Variants in RMI1 observed in about 807,000 individuals in gnomAD.
RMI1 encodes the protein RecQ mediated genome instability 1, also known as recQ-mediated genome instability protein 1.
A neutral mutation model predicts 46.7 loss-of-function variants in RMI1; 36 were observed. The observed-to-expected ratio is 0.77, with a 90% CI of 0.59 to 1.02. The LOEUF is 1.02. Ranked by LOEUF, RMI1 falls within the 50% of genes least tolerant of loss-of-function variation. The probability of loss-of-function intolerance (pLI) is 0.00; values close to 1 mark genes in which losing one functional copy is unlikely to be tolerated. For synonymous variants in RMI1, 250 were observed against 252.9 expected, an observed-to-expected ratio of 0.99 and a Z score of 0.11; for missense variants, 676 against 713.7, an observed-to-expected ratio of 0.95 and a Z score of 0.60.
In RMI1 at chr9:84,002,241, A is replaced by G. The variant is rs1417615792; in HGVS notation, c.1255A>G (p.Lys419Glu). The change falls in exon 3 of 3, where the codon AAG (lysine) becomes GAG (glutamate). Residue 419 changes from lysine to glutamate, a missense_variant. Transcript: ENST00000445877. ...PLAHDFTNKE[K>E]NLETDNKIKQ... ...AGCCCATGATTTTACAAATAAAGAA[A>G]AGAACTTAGAGACAGATAATAAAAT... The G allele has an allele frequency of 6.8e-6, 11 of 1,606,176 alleles. No homozygotes were observed. The highest frequency in any genetic ancestry group is 1.3e-5 in the African/African-American group (1 of 74,174).
Position 83,986,223 on chromosome 9 carries a change from G to C in RMI1, c.-126+5332G>C, listed in dbSNP as rs564730712. Among the ~76,000 whole-genome samples the C allele has an allele frequency of 1.5e-4, 23 of 152,310 alleles. 1 individual carries two copies. The highest frequency in any genetic ancestry group is 5.3e-4 in the African/African-American group (22 of 41,576). ...CGAAGCTATCACAAAGATAAATATA[G>C]TAGGTGTAGGTGATATTTTTAAGTT... is the stretch of plus-strand genomic sequence containing the variant. On this transcript the variant is annotated intron_variant, in intron 1 of 2. Coordinates refer to ENST00000445877, the MANE Select transcript of RMI1 (RefSeq NM_001358291.2).
chr9:83,989,660 A>T (rs531511053), intron 1 of RMI1, among the ~76,000 whole-genome samples: 1 of 20,536 alleles, frequency 4.9e-5, no homozygotes, highest in South Asian at 3.4e-3. Flanking sequence ...AATGGCTATC[A>T]AAAAGACAAA....
chr9:83,988,952 G>A (rs1302205949), intron 1 of RMI1, among the ~76,000 whole-genome samples: 1 of 152,028 alleles, frequency 6.6e-6, no homozygotes, highest in Non-Finnish European at 1.5e-5. Flanking sequence ...GACCTCCCAG[G>A]CTCAAGTGAT....
At chr9:84,000,876 G>A (rs1957726737) in intron 2 of RMI1, 75 bp from the exon 3 acceptor site, 1 of 756,124 alleles carries the variant, frequency 1.3e-6, no homozygotes, top group Non-Finnish European at 2.1e-6. Context: ...GTGCCTGTCT[G>A]TGCATTGTAG....
intron 1 of RMI1, among the ~76,000 whole-genome samples, chr9:83,991,306 C>CT (rs55692810): frequency 0.11 from 15,431 of 140,994 alleles, 959 homozygotes; most frequent in Non-Finnish European, 0.14. Context: ...TGTCATTTTT[C>CT]TTTTTTTTTT....
chr9:84,000,559 A>G (rs1427617212), intron 2 of RMI1, among the ~76,000 whole-genome samples: 1 of 152,204 alleles, frequency 6.6e-6, no homozygotes, highest in Non-Finnish European at 1.5e-5. Flanking sequence ...AAGGGAGGCT[A>G]ATGTAACTAC....
rs1957733428 is a variant in RMI1 at position 84,001,348 on chromosome 9, A to G, written c.362A>G (p.Gln121Arg). 5 of 1,614,034 alleles carry G rather than the reference A, an allele frequency of 3.1e-6. No individual in the cohort carries two copies. The highest frequency in any genetic ancestry group is 1.7e-5 in the Admixed American group (1 of 59,992). ...AATGATCTAGTTACAGCTGAAGCACAAGTAACCCCAAAACCTTGGGAAGCA... is the reference window on the plus strand; with the variant it reads ...AATGATCTAGTTACAGCTGAAGCACGAGTAACCCCAAAACCTTGGGAAGCA... ...TTNDLVTAEA[Q>R]VTPKPWEAKP... Residue 121 changes from glutamine to arginine, a missense_variant, in exon 3 of 3, where the codon CAA becomes CGA. Transcript: ENST00000445877.
intron 1 of RMI1, among the ~76,000 whole-genome samples, chr9:83,997,163 G>T (rs555612493): frequency 8.4e-4 from 121 of 143,450 alleles, no homozygotes; most frequent in Admixed American, 1.5e-3. Context: ...CCAGGCTGGA[G>T]TGCAATGGCG....
chr9:83,981,175 A>T (rs1164922751), intron 1 of RMI1, among the ~76,000 whole-genome samples: 1 of 152,134 alleles, frequency 6.6e-6, no homozygotes, highest in East Asian at 1.9e-4. Context: ...CGAGCCTGGG[A>T]GTACTGGAGA....
rs374722795 is a variant in RMI1 at position 83,998,350 on chromosome 9, A to G, written c.-125-1359A>G. On this transcript the variant is annotated intron_variant, in intron 1 of 2. Transcript: ENST00000445877. ...ACTTCCCCATGTCCTTTAAATTCTA[A>G]TCATCCATTAAATTAAATTAATAAT... 3.9e-4 allele frequency among the ~76,000 whole-genome samples: 59 copies of G among 152,340 alleles called. No homozygotes were observed. In the East Asian group the frequency reaches 9.2e-3, roughly 24 times the overall value.
intron 2 of RMI1, among the ~76,000 whole-genome samples, chr9:84,000,524 G>A (rs1957722153): frequency 6.6e-6 from 1 of 152,112 alleles, no homozygotes; most frequent in South Asian, 2.1e-4. Flanking sequence ...TCCACTGGGG[G>A]TATTGGAGCA....
intron 1 of RMI1, among the ~76,000 whole-genome samples, chr9:83,988,810 C>T: frequency 6.6e-6 from 1 of 152,146 alleles, no homozygotes; most frequent in Non-Finnish European, 1.5e-5. Context: ...TATTTGCCAT[C>T]TGCATATTTT....
chr9:84,002,897 A>G lies in RMI1; in HGVS notation c.*33A>G. The G allele has an allele frequency of 1.6e-6, 2 of 1,236,512 alleles. No homozygotes were observed. The highest frequency in any genetic ancestry group is 1.1e-6 in the Non-Finnish European group (1 of 896,566). 76.6% of individuals were successfully genotyped at this position (1,236,512 alleles called of 1,614,324 possible). On this transcript the variant is annotated 3_prime_UTR_variant, in exon 3 of 3. Transcript: ENST00000445877. Reference sequence around the variant, plus strand: ...AAAATAGTATTAGGAACAATTAAAAACAACAAGGAAATATTTAGAATTTGT... The same window carrying G: ...AAAATAGTATTAGGAACAATTAAAAGCAACAAGGAAATATTTAGAATTTGT...
chr9:83,986,516 G>A (rs1957492412), intron 1 of RMI1, among the ~76,000 whole-genome samples: 1 of 152,128 alleles, frequency 6.6e-6, no homozygotes, highest in African/African-American at 2.4e-5. Flanking sequence ...CTGCTGTTGG[G>A]TATGATATGT....
intron 1 of RMI1, among the ~76,000 whole-genome samples, chr9:83,981,561 C>G (rs1015277005): frequency 1.3e-5 from 2 of 152,180 alleles, no homozygotes; most frequent in African/African-American, 2.4e-5. Flanking sequence ...AGGTCACTTT[C>G]AATCGGTGAC....
intron 1 of RMI1, among the ~76,000 whole-genome samples, chr9:83,990,931 C>T (rs1340155931): frequency 6.6e-6 from 1 of 152,108 alleles, no homozygotes; most frequent in African/African-American, 2.4e-5. Context: ...CCTCAGCCTC[C>T]AGAGTAGCTG....
chr9:84,001,263 G>T lies in RMI1; in HGVS notation c.277G>T (p.Val93Phe). The T allele has an allele frequency of 6.2e-7, 1 of 1,614,096 alleles. No homozygotes were observed. The highest frequency in any genetic ancestry group is 1.7e-5 in the Admixed American group (1 of 60,016). ...GFYALQINSL[V>F]DVSQPAYSQI... ...TTATGCTCTGCAGATTAATTCCTTGGTTGATGTAAGTCAGCCTGCATACTC... is the reference window on the plus strand; with the variant it reads ...TTATGCTCTGCAGATTAATTCCTTGTTTGATGTAAGTCAGCCTGCATACTC... Residue 93 changes from valine (V) to phenylalanine (F), a missense_variant, in exon 3 of 3, where the codon GTT becomes TTT. Val to Phe is a conservative substitution (Grantham distance 50). Coordinates refer to ENST00000445877, the MANE Select transcript of RMI1 (RefSeq NM_001358291.2).
chr9:83,983,052 T>G (rs1169325255), intron 1 of RMI1, among the ~76,000 whole-genome samples: 1 of 152,226 alleles, frequency 6.6e-6, no homozygotes, highest in Non-Finnish European at 1.5e-5. Context: ...GATGGGGGAT[T>G]TACTTTAGAT....
At chr9:83,989,678 AT>A in intron 1 of RMI1, among the ~76,000 whole-genome samples, 3 of 114,016 alleles carry the variant, frequency 2.6e-5, no homozygotes, top group African/African-American at 7.1e-5. Context: ...AAAAAAAAAA[AT>A]AAAATAAAAT....
Sources: allele counts gnomAD v4.1 joint callset (sites outside exome capture counted in the v4.1 genomes callset), GRCh38; gene constraint gnomAD v4.1.1; transcripts MANE v1.5; gene names NCBI Gene and HGNC (gene_info 2026-07-23, HGNC 2026-07-21).